The following CPA1 variants were observed in gnomAD, a reference collection of about 807,000 sequenced individuals.
CPA1 encodes carboxypeptidase A1, also known as carboxypeptidase A1 (pancreatic).
A neutral mutation model predicts 48.7 loss-of-function variants in CPA1; 42 were observed. That is an observed-to-expected ratio of 0.86 (90% confidence interval 0.67 to 1.11). The LOEUF is 1.11. Among genes scored for constraint, CPA1 ranks in the 50% most tolerant of loss-of-function variants. The probability of loss-of-function intolerance (pLI) is 0.00; values close to 1 mark genes in which losing one functional copy is unlikely to be tolerated. For missense variants in CPA1, 477 were observed against 544.7 expected, an observed-to-expected ratio of 0.88 and a Z score of 1.24; for synonymous variants, 203 against 217.9, an observed-to-expected ratio of 0.93 and a Z score of 0.60.
chr7:130,381,597 C>T (rs369618200), intron 2 of CPA1, 33 bp from the exon 3 acceptor site: 59 of 1,556,810 alleles, frequency 3.8e-5, no homozygotes, highest in Non-Finnish European at 5.0e-5. Flanking sequence ...GCCCCCAGCC[C>T]GCTGTGACCG....
At chr7:130,384,904 G>A in intron 7 of CPA1, 1 of 607,320 alleles carries the variant, frequency 1.6e-6, no homozygotes, top group South Asian at 2.0e-5. Context: ...CCACGTCTCT[G>A]TGAGAACTGG....
At position 130,388,080 on chromosome 7, in the gene CPA1, G is replaced by A. The variant is rs570738737; in HGVS notation, c.*69G>A. ...CCAGGCAACCAAATAAAGTTTGAGTGTACCAGGAACAGAATCCTGGGGCTT... is the reference window on the plus strand; with the variant it reads ...CCAGGCAACCAAATAAAGTTTGAGTATACCAGGAACAGAATCCTGGGGCTT... On this transcript the variant is annotated 3_prime_UTR_variant, in exon 10 of 10. Coordinates refer to ENST00000011292, the MANE Select transcript of CPA1 (RefSeq NM_001868.4). The A allele has an allele frequency of 2.7e-4, 406 of 1,497,278 alleles. 1 individual carries two copies. The highest frequency in any genetic ancestry group is 1.1e-3 in the Middle Eastern group (5 of 4,546). The allele number at this position is 1,497,278 out of a possible 1,614,324, so 92.7% of individuals were successfully genotyped here. A position where few individuals can be genotyped will look rare whatever the true frequency, so the allele number is the denominator to read the frequency against.
intron 3 of CPA1, 121 bp downstream of exon 3, chr7:130,381,984 G>A: frequency 2.5e-6 from 3 of 1,181,546 alleles, no homozygotes; most frequent in South Asian, 1.4e-5. Context: ...CTGTTTCCAT[G>A]TGGCCTGTGT....
At position 130,383,315 on chromosome 7, in the gene CPA1, G is replaced by T. The variant is rs1025337129; in HGVS notation, c.484-76G>T. 4 of 1,150,010 alleles carry T rather than the reference G, an allele frequency of 3.5e-6. No individual in the cohort carries two copies. In the Admixed American group the frequency reaches 5.8e-5, roughly 17 times the overall value. 71.2% of individuals were successfully genotyped at this position (1,150,010 alleles called of 1,614,324 possible). ...GAGCAGGTGGTCTCTGGCCCAGGTC[G>T]GGGTCTCCTTCAGGGCAGCAAGATG... On this transcript the variant is annotated intron_variant, in intron 4 of 9. Transcript: ENST00000011292.
rs1554411490 is a variant in CPA1 at position 130,383,429 on chromosome 7, C to T, written c.522C>T (p.Ile174=). Residue 174 remains isoleucine, a synonymous_variant, in exon 5 of 10, where the codon ATC becomes ATT. Transcript: ENST00000011292. The part of the protein sequence containing the change: ...TGGSKRPAIW[I]DTGIHSREWV... ...GCAGTAAGCGTCCAGCCATCTGGATCGACACGGGCATCCATTCCCGGGAGT... is the reference window on the plus strand; with the variant it reads ...GCAGTAAGCGTCCAGCCATCTGGATTGACACGGGCATCCATTCCCGGGAGT... 9 of 1,614,192 alleles carry T rather than the reference C, an allele frequency of 5.6e-6. No individual in the cohort carries two copies. The highest frequency in any genetic ancestry group is 1.6e-4 in the Middle Eastern group (1 of 6,062).
At position 130,388,002 on chromosome 7, in the gene CPA1, C is replaced by T. The variant is rs782603710; in HGVS notation, c.1251C>T (p.His417=). ...LLTIMEHTLN[H]PY ...CCATCATGGAGCACACCCTGAATCA[C>T]CCCTACTGAGCTGACCCTTTGACAC... Residue 417 remains histidine (H), a synonymous_variant, in exon 10 of 10, where the codon CAC becomes CAT. Transcript: ENST00000011292. The T allele has an allele frequency of 3.1e-6, 5 of 1,614,130 alleles. No homozygotes were observed. Among genetic ancestry groups the T allele is most frequent in the African/African-American group, 1.3e-5 (1 of 75,036 alleles).
At position 130,381,323 on chromosome 7, in the gene CPA1, C is replaced by T. The variant is rs1398111746; in HGVS notation, c.147+144C>T. 2.6e-5 allele frequency: 17 copies of T among 650,642 alleles called. No homozygotes were observed. In the East Asian group the frequency reaches 4.7e-4, roughly 18 times the overall value. 40.3% of individuals were successfully genotyped at this position (650,642 alleles called of 1,614,324 possible). ...CTCTGTTAGGAAGCGACTTCAAGCC[C>T]CCAGCTCCAGAGCCTTGCTGCCCTT... On this transcript the variant is annotated intron_variant, in intron 2 of 9. Coordinates refer to ENST00000011292, the MANE Select transcript of CPA1 (RefSeq NM_001868.4).
At chr7:130,381,493 T>G in intron 2 of CPA1, 137 bp from the exon 3 acceptor site, 2 of 656,406 alleles carry the variant, frequency 3.0e-6, no homozygotes, top group Non-Finnish European at 5.3e-6. Context: ...TCTCTGGCCC[T>G]ATTACCCCTG....
Position 130,384,690 on chromosome 7 carries a change from C to G in CPA1, c.787+64C>G, listed in dbSNP as rs1554411751. On this transcript the variant is annotated intron_variant, in intron 7 of 9. Coordinates refer to ENST00000011292, the MANE Select transcript of CPA1 (RefSeq NM_001868.4). ...CCTCGAATGGCTCCTCACCACTGCTCTTGCTCCCCGCCTCTCTCCTGCCCC... is the reference window on the plus strand; with the variant it reads ...CCTCGAATGGCTCCTCACCACTGCTGTTGCTCCCCGCCTCTCTCCTGCCCC... The G allele has an allele frequency of 3.8e-6, 5 of 1,332,158 alleles. No homozygotes were observed. In the African/African-American group the frequency reaches 5.8e-5, roughly 15 times the overall value. 82.5% of individuals were successfully genotyped at this position (1,332,158 alleles called of 1,614,324 possible). A position where few individuals can be genotyped will look rare whatever the true frequency, so the allele number is the denominator to read the frequency against.
rs140135840 is a variant in CPA1, at chr7:130,384,887, G to T, written c.788-259G>T. On this transcript the variant is annotated intron_variant, in intron 7 of 9. Coordinates refer to ENST00000011292, the MANE Select transcript of CPA1 (RefSeq NM_001868.4). ...TTCTAGCTTAACCTCAAGTCCTCCCGCCTTGGCCACGTCTCTGTGAGAACT... is the reference window on the plus strand; with the variant it reads ...TTCTAGCTTAACCTCAAGTCCTCCCTCCTTGGCCACGTCTCTGTGAGAACT... The T allele has an allele frequency of 1.5e-3, 926 of 605,322 alleles. 11 individuals carry two copies. The East Asian group carries it at 0.024, about 16-fold the overall frequency. The allele number at this position is 605,322 out of a possible 1,614,324, so 37.5% of individuals were successfully genotyped here.
In CPA1 at chr7:130,385,271, A is replaced by G; in HGVS notation, c.913A>G (p.Ile305Val). 3 of 1,614,184 alleles carry G rather than the reference A, an allele frequency of 1.9e-6. No homozygotes were observed. Among genetic ancestry groups the G allele is most frequent in the Non-Finnish European group, 8.5e-7 (1 of 1,180,022 alleles). ...DHGNIKAFIS[I>V]HSYSQLLMYP... ...TGGGAACATCAAGGCCTTCATCTCCATCCACAGCTACTCCCAGCTCCTCAT... is the reference window on the plus strand; with the variant it reads ...TGGGAACATCAAGGCCTTCATCTCCGTCCACAGCTACTCCCAGCTCCTCAT... Residue 305 changes from isoleucine (I) to valine (V), a missense_variant, in exon 8 of 10, where the codon ATC becomes GTC. Ile to Val is a conservative substitution (Grantham distance 29, BLOSUM62 3). Transcript: ENST00000011292.
At position 130,387,507 on chromosome 7, in the gene CPA1, T is replaced by C. The variant is rs139594743; in HGVS notation, c.1073-317T>C. Among the ~76,000 whole-genome samples, 156 of 152,258 alleles carry C rather than the reference T, an allele frequency of 1.0e-3. 1 individual carries two copies. Among genetic ancestry groups the C allele is most frequent in the African/African-American group, 3.4e-3 (140 of 41,554 alleles). ...TACCCAAGCAGGGAACTCGGTATAT[T>C]TAGGGGCTTCACCGAAAGGGCTGTT... On this transcript the variant is annotated intron_variant, in intron 9 of 9. Transcript: ENST00000011292. The surrounding 1 kb of genome is among the most constrained non-coding windows in gnomAD (Gnocchi z 4.6).
rs782284762 is a variant in CPA1 at position 130,387,896 on chromosome 7, G to A, written c.1145G>A (p.Arg382Gln). ...GIKYSFTFEL[R>Q]DTGRYGFLLP... ...AAGTACTCCTTCACCTTCGAGCTCC[G>A]GGACACTGGGCGCTATGGCTTCCTG... Residue 382 changes from arginine to glutamine, a missense_variant, in exon 10 of 10, where the codon CGG becomes CAG. Arg to Gln is a conservative substitution (Grantham distance 43, BLOSUM62 1). Transcript: ENST00000011292. This position sits in a 1 kb window ranked among gnomAD's most constrained non-coding sequence, Gnocchi z 4.6. The A allele has an allele frequency of 2.3e-5, 37 of 1,613,964 alleles. No individual in the cohort carries two copies. In the African/African-American group the frequency reaches 3.9e-4, roughly 17 times the overall value.
intron 4 of CPA1, 64 bp downstream of exon 4, chr7:130,382,273 G>T (rs530351738): frequency 7.9e-6 from 10 of 1,263,694 alleles, no homozygotes; most frequent in African/African-American, 1.5e-5. Flanking sequence ...CGTGATGGGC[G>T]TGGGCTCTCC....
intron 6 of CPA1, chr7:130,384,115 A>G: frequency 4.4e-6 from 2 of 454,494 alleles, no homozygotes; most frequent in South Asian, 2.6e-5. Context: ...GAGGGTCAAG[A>G]TTGTCCCCAG....
At chr7:130,380,730 G>A in intron 1 of CPA1, 145 bp downstream of exon 1, 1 of 488,246 alleles carries the variant, frequency 2.0e-6, no homozygotes, top group Non-Finnish European at 3.5e-6. Context: ...TGGCAGATAA[G>A]CAACCAGGGT....
intron 3 of CPA1, 96 bp from the exon 4 acceptor site, chr7:130,382,012 A>G (rs1052887371): frequency 4.1e-6 from 5 of 1,222,122 alleles, no homozygotes; most frequent in Non-Finnish European, 5.9e-6. Context: ...GCTCCATTGC[A>G]GGGCTCGCAG....
chr7:130,385,242 A>G lies in CPA1; in HGVS notation c.884A>G (p.Asp295Gly). The G allele has an allele frequency of 8.7e-6, 14 of 1,614,188 alleles. No individual in the cohort carries two copies. Among genetic ancestry groups the G allele is most frequent in the Non-Finnish European group, 1.2e-5 (14 of 1,180,016 alleles). The change falls in exon 8 of 10, where the codon GAC becomes GGC. Residue 295 changes from aspartate (D) to glycine (G), a missense_variant. Physicochemically the swap from Asp to Gly is moderately conservative, Grantham distance 94 (BLOSUM62 -1). Transcript: ENST00000011292. ...AAGTCCATTGTAGACTTTGTGAAGG[A>G]CCATGGGAACATCAAGGCCTTCATC... is the stretch of plus-strand genomic sequence containing the variant. ...EVKSIVDFVK[D>G]HGNIKAFISI... is the part of the protein sequence containing the mutation.
chr7:130,381,783 C>T lies in CPA1; in HGVS notation c.301C>T (p.Gln101Ter). ...EDVQSLLDEE[Q>*]EQMFAFRSRA... ...CGTGCAGTCGCTGCTGGACGAGGAG[C>T]AGGAGCAGATGTTCGCCTTCCGGTC... Residue 101 changes from glutamine to a stop codon, truncating the protein, a stop_gained, in exon 3 of 10, where the codon CAG (glutamine) becomes TAG (stop). Transcript: ENST00000011292. LOFTEE classifies it high-confidence loss of function. The T allele has an allele frequency of 6.2e-7, 1 of 1,614,148 alleles. No homozygotes were observed. The highest frequency in any genetic ancestry group is 8.5e-7 in the Non-Finnish European group (1 of 1,180,024).
Sources: gnomAD v4.1 joint callset for allele counts (sites outside exome capture counted in the v4.1 genomes callset) on GRCh38, gnomAD v4.1.1 for gene constraint, Gnocchi (gnomAD v3.1) non-coding constraint, MANE v1.5 for transcripts, NCBI Gene and HGNC (gene_info 2026-07-23, HGNC 2026-07-21) for gene names.